UVRAG: variants seen among roughly 807,000 people sequenced by gnomAD.
The protein encoded by UVRAG is UV radiation resistance-associated gene protein.
A neutral mutation model predicts 78.0 loss-of-function variants in UVRAG; 19 were observed. The ratio of observed to expected loss-of-function variants is 0.24; its 90% CI spans 0.17 to 0.36. The LOEUF (loss-of-function observed/expected upper bound fraction) is 0.36. Among genes scored for constraint, UVRAG ranks in the 10% least tolerant of loss-of-function variants. UVRAG has a pLI of 1.00. For missense variants in UVRAG, 740 were observed against 853.8 expected, an observed-to-expected ratio of 0.87 and a Z score of 1.66; for synonymous variants, 323 against 324.6, an observed-to-expected ratio of 1.00 and a Z score of 0.05.
At chr11:75,991,182 C>T (rs963302184) in intron 8 of UVRAG, among the ~76,000 whole-genome samples, 1 of 152,168 alleles carries the variant, frequency 6.6e-6, no homozygotes, top group Non-Finnish European at 1.5e-5. Flanking sequence ...TAGAATGGCC[C>T]CAAATAAATA....
At chr11:76,060,598 G>A (rs977368922) in intron 12 of UVRAG, among the ~76,000 whole-genome samples, 1 of 152,242 alleles carries the variant, frequency 6.6e-6, no homozygotes, top group Non-Finnish European at 1.5e-5. Flanking sequence ...GCTGCAGCAC[G>A]GCGCTTGCGG....
At chr11:75,815,552 G>C in intron 1 of UVRAG, 28 bp downstream of exon 1, 1 of 1,212,934 alleles carries the variant, frequency 8.2e-7, no homozygotes, top group Non-Finnish European at 1.0e-6. Flanking sequence ...GCAGCACTCG[G>C]GAGGGACCCG....
intron 7 of UVRAG, among the ~76,000 whole-genome samples, chr11:75,969,644 A>T (rs1377231389): frequency 6.6e-6 from 1 of 152,182 alleles, no homozygotes; most frequent in Non-Finnish European, 1.5e-5. Flanking sequence ...TATAATAATG[A>T]TTGGAAATAA....
intron 3 of UVRAG, among the ~76,000 whole-genome samples, chr11:75,864,530 G>C (rs570940569): frequency 2.4e-3 from 363 of 152,344 alleles, no homozygotes; most frequent in South Asian, 3.7e-3. Context: ...AGCACTGCCA[G>C]GTCAACAGCA....
At chr11:76,127,955 C>G (rs1192861452) in intron 14 of UVRAG, among the ~76,000 whole-genome samples, 3 of 150,528 alleles carry the variant, frequency 2.0e-5, no homozygotes, top group Non-Finnish European at 4.4e-5. Flanking sequence ...GAGACCCCAT[C>G]TCAAAAAAAA....
At chr11:75,887,536 C>T (rs1011163056) in intron 4 of UVRAG, among the ~76,000 whole-genome samples, 2 of 151,214 alleles carry the variant, frequency 1.3e-5, no homozygotes, top group African/African-American at 4.9e-5. Flanking sequence ...CAAGCTCTGC[C>T]TCCCGGGTTC....
chr11:75,972,034 A>G (rs1379467413), intron 7 of UVRAG, among the ~76,000 whole-genome samples: 1 of 151,228 alleles, frequency 6.6e-6, no homozygotes, highest in Admixed American at 6.6e-5. Flanking sequence ...GAGCTCTTTG[A>G]GGCCAGGCCC....
chr11:75,961,634 G>A (rs968971047), intron 7 of UVRAG, 85 bp downstream of exon 7: 17 of 1,022,118 alleles, frequency 1.7e-5, no homozygotes, highest in East Asian at 8.3e-5. Context: ...TTTAAAAAAC[G>A]CTTTAGATCG....
chr11:75,908,712 C>CTTTTTTTTTTTTT (rs1024795820), intron 5 of UVRAG, among the ~76,000 whole-genome samples: 1 of 45,444 alleles, frequency 2.2e-5, no homozygotes, highest in African/African-American at 8.6e-5. Flanking sequence ...TGGTTCTGGG[C>CTTTTTTTTTTTTT]TTTTTTTTTT....
At chr11:75,883,715 C>T (rs151155388) in intron 4 of UVRAG, among the ~76,000 whole-genome samples, 4 of 152,132 alleles carry the variant, frequency 2.6e-5, no homozygotes, top group Middle Eastern at 6.8e-3. Flanking sequence ...GAGAGTCGTA[C>T]GGGGAAGAGA....
At chr11:75,828,064 G>T (rs1945554565) in intron 1 of UVRAG, among the ~76,000 whole-genome samples, 1 of 152,088 alleles carries the variant, frequency 6.6e-6, no homozygotes, top group Non-Finnish European at 1.5e-5. Context: ...AGCAAGGTTG[G>T]CAGGTAGGCT....
At chr11:75,882,241 T>G (rs1342798000) in intron 4 of UVRAG, among the ~76,000 whole-genome samples, 1 of 152,138 alleles carries the variant, frequency 6.6e-6, no homozygotes, top group Non-Finnish European at 1.5e-5. Context: ...CCAGGTGTGG[T>G]GGCTCATGCC....
intron 12 of UVRAG, among the ~76,000 whole-genome samples, chr11:76,027,381 T>A (rs1026253572): frequency 6.6e-6 from 1 of 152,042 alleles, no homozygotes; most frequent in Non-Finnish European, 1.5e-5. Flanking sequence ...ATCACACTTA[T>A]TAGTTAGTTC....
At chr11:76,059,897 A>G (rs1344914816) in intron 12 of UVRAG, among the ~76,000 whole-genome samples, 1 of 152,232 alleles carries the variant, frequency 6.6e-6, no homozygotes, top group Non-Finnish European at 1.5e-5. Context: ...TATAAATACG[A>G]ATGGCAGAAG....
At chr11:75,983,562 C>A in intron 8 of UVRAG, 49 bp downstream of exon 8, 2 of 1,493,414 alleles carry the variant, frequency 1.3e-6, no homozygotes, top group Admixed American at 2.2e-5. Flanking sequence ...TTCAGTAGTT[C>A]TCCTTTCTTC....
At chr11:76,095,564 T>C (rs1591232195) in intron 13 of UVRAG, among the ~76,000 whole-genome samples, 2 of 150,406 alleles carry the variant, frequency 1.3e-5, no homozygotes, top group East Asian at 3.9e-4. Context: ...CATATATAAA[T>C]ATATATTTTT....
At chr11:76,067,317 T>C (rs539056068) in intron 13 of UVRAG, among the ~76,000 whole-genome samples, 1 of 152,312 alleles carries the variant, frequency 6.6e-6, no homozygotes, top group South Asian at 2.1e-4. Flanking sequence ...CCACAACTGA[T>C]GCTTGCCCAT....
intron 7 of UVRAG, among the ~76,000 whole-genome samples, chr11:75,963,276 CA>C (rs1414546440): frequency 1.3e-5 from 2 of 152,114 alleles, no homozygotes; most frequent in Non-Finnish European, 1.5e-5. Flanking sequence ...AGTAGGTGCT[CA>C]ATAAGTATTT....
rs143874379 is a variant in UVRAG at position 76,140,852 on chromosome 11, A to T, written c.1539A>T (p.Arg513Ser). ...HRKRASSENE[R>S]LQYKTPPPSY... Reference sequence around the variant, plus strand: ...AACGGGCCAGCTCTGAGAATGAGAGACTTCAGTACAAAACCCCTCCTCCCA... The same window carrying T: ...AACGGGCCAGCTCTGAGAATGAGAGTCTTCAGTACAAAACCCCTCCTCCCA... The change falls in exon 15 of 15, where the codon AGA (arginine) becomes AGT (serine). Residue 513 changes from arginine to serine, a missense_variant. Coordinates refer to ENST00000356136, the MANE Select transcript of UVRAG (RefSeq NM_003369.4). 1.5e-4 allele frequency: 242 copies of T among 1,613,994 alleles called. No individual in the cohort carries two copies. The highest frequency in any genetic ancestry group is 1.9e-4 in the Non-Finnish European group (222 of 1,180,022).
Sources: gnomAD v4.1 joint callset for allele counts (sites outside exome capture counted in the v4.1 genomes callset) on GRCh38, gnomAD v4.1.1 for gene constraint, MANE v1.5 for transcripts, NCBI Gene and HGNC (gene_info 2026-07-23, HGNC 2026-07-21) for gene names.